Variants in PPP1R3A observed in about 807,000 individuals in gnomAD.
PPP1R3A encodes RG1.
A neutral mutation model predicts 41.7 loss-of-function variants in PPP1R3A; 29 were observed. That is an observed-to-expected ratio of 0.70 (90% confidence interval 0.52 to 0.95). The LOEUF (loss-of-function observed/expected upper bound fraction) is 0.95, where lower values mean the gene tolerates loss of function less well. Ranked by LOEUF, PPP1R3A falls within the 40% of genes least tolerant of loss-of-function variation. The pLI, the probability that PPP1R3A is intolerant of heterozygous loss-of-function variation, is 0.00. For missense variants in PPP1R3A, 1,352 were observed against 1,292.4 expected (o/e 1.05, Z -0.71); for synonymous variants, 485 against 453.4 (o/e 1.07, Z -0.89).
intron 1 of PPP1R3A, among the ~76,000 whole-genome samples, chr7:113,891,752 G>A (rs1796893110): frequency 6.6e-6 from 1 of 151,970 alleles, no homozygotes; most frequent in Non-Finnish European, 1.5e-5. Context: ...CTGTCAAAAT[G>A]TAGTCATTTT....
At chr7:113,899,238 G>A (rs1562923251) in intron 1 of PPP1R3A, among the ~76,000 whole-genome samples, 1 of 151,704 alleles carries the variant, frequency 6.6e-6, no homozygotes, top group Non-Finnish European at 1.5e-5. Context: ...ACTTATTGCA[G>A]TAGTGTATTA....
chr7:113,896,627 G>C (rs985023427), intron 1 of PPP1R3A, among the ~76,000 whole-genome samples: 1 of 151,712 alleles, frequency 6.6e-6, no homozygotes, highest in African/African-American at 2.4e-5. Context: ...AAACATAGTG[G>C]AATGGAATAC....
intron 1 of PPP1R3A, among the ~76,000 whole-genome samples, chr7:113,913,291 C>T (rs1409077891): frequency 6.6e-6 from 1 of 152,084 alleles, no homozygotes; most frequent in Admixed American, 6.6e-5. Context: ...TCTCACAATC[C>T]AACAGCTCTG....
Position 113,878,825 on chromosome 7 carries a change from G to A in PPP1R3A, c.2267C>T (p.Pro756Leu), listed in dbSNP as rs151310594. 999 of 1,613,408 alleles carry A rather than the reference G, an allele frequency of 6.2e-4. 1 individual carries two copies. The highest frequency in any genetic ancestry group is 3.4e-3 in the Admixed American group (204 of 59,884). ...AREKAIIAKLPQETARSDRPI... is the reference protein window; with the variant it reads ...AREKAIIAKLLQETARSDRPI... ...CCTGTCACTTCGTGCTGTCTCTTGAGGTAGCTTAGCAATTATTGCTTTTTC... is the reference window on the plus strand; with the variant it reads ...CCTGTCACTTCGTGCTGTCTCTTGAAGTAGCTTAGCAATTATTGCTTTTTC... The change falls in exon 4 of 4, where the codon CCT (proline) becomes CTT (leucine). Residue 756 changes from proline (P) to leucine (L), a missense_variant. Coordinates refer to ENST00000284601, the MANE Select transcript of PPP1R3A (RefSeq NM_002711.4).
chr7:113,881,252 T>C (rs1394198615), intron 3 of PPP1R3A, among the ~76,000 whole-genome samples: 2 of 152,066 alleles, frequency 1.3e-5, no homozygotes, highest in East Asian at 3.9e-4. Flanking sequence ...TCTATTTCTT[T>C]CCTGTTTCAG....
chr7:113,907,121 G>T (rs1354195339), intron 1 of PPP1R3A, among the ~76,000 whole-genome samples: 1 of 151,632 alleles, frequency 6.6e-6, no homozygotes, highest in African/African-American at 2.4e-5. Flanking sequence ...ACATCCTTTT[G>T]GCTGTATTCA....
At chr7:113,917,911 T>C (rs936923566) in intron 1 of PPP1R3A, among the ~76,000 whole-genome samples, 2 of 152,098 alleles carry the variant, frequency 1.3e-5, no homozygotes, top group African/African-American at 2.4e-5. Flanking sequence ...ATTTTATATG[T>C]GAATAATCTA....
intron 1 of PPP1R3A, among the ~76,000 whole-genome samples, chr7:113,917,048 T>C (rs1376331252): frequency 6.6e-6 from 1 of 152,068 alleles, no homozygotes; most frequent in Non-Finnish European, 1.5e-5. Context: ...ACAATGCATT[T>C]AGTAGTTATT....
chr7:113,884,088 G>A (rs749462768), intron 1 of PPP1R3A, among the ~76,000 whole-genome samples: 32 of 151,814 alleles, frequency 2.1e-4, no homozygotes, highest in South Asian at 6.2e-4. Flanking sequence ...CAGAAAATAC[G>A]TAAGATTTCT....
chr7:113,900,853 TA>T (rs1797050553), intron 1 of PPP1R3A, among the ~76,000 whole-genome samples: 1 of 150,878 alleles, frequency 6.6e-6, no homozygotes, highest in Non-Finnish European at 1.5e-5. Context: ...CTAATTTACA[TA>T]AACTTATCCA....
chr7:113,894,768 G>A (rs761986535), intron 1 of PPP1R3A, among the ~76,000 whole-genome samples: 19 of 151,872 alleles, frequency 1.3e-4, no homozygotes, highest in Admixed American at 6.6e-4. Flanking sequence ...TTTCCTCCAC[G>A]GAATCTACAG....
chr7:113,918,955 A>G lies in PPP1R3A; in HGVS notation c.42T>C (p.Asn14=). ...CAGATAAATTAGGAACTTCTAAAAAATTATCTTTGCTAATCTGACTAGGTA... is the reference window on the plus strand; with the variant it reads ...CAGATAAATTAGGAACTTCTAAAAAGTTATCTTTGCTAATCTGACTAGGTA... ...SEVPSQISKD[N]FLEVPNLSDS... The change falls in exon 1 of 4, where the codon AAT becomes AAC. Residue 14 remains asparagine (N), a synonymous_variant. Coordinates refer to ENST00000284601, the MANE Select transcript of PPP1R3A (RefSeq NM_002711.4). The G allele has an allele frequency of 6.2e-7, 1 of 1,612,922 alleles. No homozygotes were observed. The highest frequency in any genetic ancestry group is 1.7e-5 in the Admixed American group (1 of 59,904).
rs1796601094 is a variant in PPP1R3A at position 113,877,987 on chromosome 7, C to A, written c.3105G>T (p.Gly1035=). The A allele has an allele frequency of 4.3e-6, 7 of 1,613,250 alleles. No homozygotes were observed. In the East Asian group the frequency reaches 1.6e-4, roughly 36 times the overall value. The change falls in exon 4 of 4, where the codon GGG becomes GGT. Residue 1035 remains glycine (G), a synonymous_variant. Transcript: ENST00000284601. Reference sequence around the variant, plus strand: ...TTTCACCTGAAGTGTATAGTGATTGCCCAGAGCTTACTAATCCTTCATTTT... The same window carrying A: ...TTTCACCTGAAGTGTATAGTGATTGACCAGAGCTTACTAATCCTTCATTTT... ...RHENEGLVSS[G]QSLYTSGEKE...
At chr7:113,881,532 T>C (rs188135136) in intron 3 of PPP1R3A, among the ~76,000 whole-genome samples, 1 of 152,170 alleles carries the variant, frequency 6.6e-6, no homozygotes, top group Non-Finnish European at 1.5e-5. Flanking sequence ...TTTAAAATTA[T>C]GGCACAGGCT....
chr7:113,905,452 G>C (rs1044516471), intron 1 of PPP1R3A, among the ~76,000 whole-genome samples: 1 of 151,486 alleles, frequency 6.6e-6, no homozygotes, highest in Non-Finnish European at 1.5e-5. Flanking sequence ...AATGCAAATA[G>C]ACCCCTCTGT....
intron 1 of PPP1R3A, among the ~76,000 whole-genome samples, chr7:113,900,008 CAATT>C (rs1402048747): frequency 1.3e-5 from 2 of 151,580 alleles, no homozygotes; most frequent in South Asian, 2.1e-4. Flanking sequence ...GTCTATAAAA[CAATT>C]AATTTTCACT....
intron 1 of PPP1R3A, among the ~76,000 whole-genome samples, chr7:113,915,953 T>C (rs1279210685): frequency 5.3e-5 from 8 of 152,054 alleles, no homozygotes; most frequent in African/African-American, 1.9e-4. Flanking sequence ...CCCCATTGCA[T>C]ATAAATTATA....
chr7:113,882,850 T>A (rs185680098), intron 1 of PPP1R3A, among the ~76,000 whole-genome samples: 1,700 of 152,028 alleles, frequency 0.011, 15 homozygotes, highest in Admixed American at 0.017. Context: ...AAAGTAAAAG[T>A]AAGAAAGAAA....
chr7:113,890,453 A>C (rs1020381210), intron 1 of PPP1R3A, among the ~76,000 whole-genome samples: 1 of 152,146 alleles, frequency 6.6e-6, no homozygotes, highest in African/African-American at 2.4e-5. Context: ...GAGTTAGCTG[A>C]GGTGCACTAG....
Sources: gnomAD v4.1 joint callset for allele counts (sites outside exome capture counted in the v4.1 genomes callset) on GRCh38, gnomAD v4.1.1 for gene constraint, MANE v1.5 for transcripts, NCBI Gene and HGNC (gene_info 2026-07-23, HGNC 2026-07-21) for gene names.